Variants in CHST8 observed in about 807,000 individuals in gnomAD.
CHST8 encodes carbohydrate sulfotransferase 8.
Under a neutral mutation model 15.0 loss-of-function variants are expected in CHST8, and 10 were observed. That is an observed-to-expected ratio of 0.67 (90% CI 0.41 to 1.13). CHST8 has a LOEUF of 1.13. CHST8 is among the 50% of genes most tolerant of loss of function. The pLI is 0.00. For synonymous variants in CHST8, 259 were observed against 256.6 expected, an observed-to-expected ratio of 1.01 and a Z score of -0.09; for missense variants, 634 against 608.2, an observed-to-expected ratio of 1.04 and a Z score of -0.45.
chr19:33,719,707 A>G (rs1973742431), intron 3 of CHST8, among the ~76,000 whole-genome samples: 1 of 151,126 alleles, frequency 6.6e-6, no homozygotes, highest in Non-Finnish European at 1.5e-5. Context: ...AGGGTCCTAA[A>G]GAGGGGGATG....
At chr19:33,625,566 G>A (rs1188624498) in intron 1 of CHST8, among the ~76,000 whole-genome samples, 1 of 151,666 alleles carries the variant, frequency 6.6e-6, no homozygotes, top group African/African-American at 2.4e-5. Flanking sequence ...AAGTAAATAT[G>A]TTTTTAAAAG....
chr19:33,687,309 G>A (rs1972998509), intron 2 of CHST8, among the ~76,000 whole-genome samples: 1 of 152,242 alleles, frequency 6.6e-6, no homozygotes, highest in African/African-American at 2.4e-5. Flanking sequence ...CAGCCATGGA[G>A]AGAGAGGCCC....
Position 33,657,103 on chromosome 19 carries a change from G to A in CHST8, c.-163-10664G>A, listed in dbSNP as rs192070175. Among the ~76,000 whole-genome samples the A allele has an allele frequency of 1.7e-4, 25 of 149,928 alleles. No individual in the cohort carries two copies. In the East Asian group the frequency reaches 4.3e-3, roughly 26 times the overall value. On this transcript the variant is annotated intron_variant, in intron 1 of 4. Coordinates refer to ENST00000650847, the MANE Select transcript of CHST8 (RefSeq NM_001127895.2). Reference sequence around the variant, plus strand: ...GATGGTGGATTTGTTAATTTTCCTTGTGATTGCCACTTTTTGCTTTATTAC... The same window carrying A: ...GATGGTGGATTTGTTAATTTTCCTTATGATTGCCACTTTTTGCTTTATTAC...
intron 3 of CHST8, among the ~76,000 whole-genome samples, chr19:33,690,063 C>T (rs965539035): frequency 2.0e-5 from 3 of 152,132 alleles, no homozygotes. Context: ...CGGTCCCCAT[C>T]CCCAGAGATA....
intron 3 of CHST8, among the ~76,000 whole-genome samples, chr19:33,757,500 AAG>A (rs1974603741): frequency 2.0e-5 from 1 of 50,934 alleles, no homozygotes; most frequent in African/African-American, 8.2e-5. Context: ...GAAAGAAAGA[AAG>A]AAAGAAAGAA....
intron 3 of CHST8, among the ~76,000 whole-genome samples, chr19:33,715,029 T>C (rs940795917): frequency 6.6e-6 from 1 of 152,174 alleles, no homozygotes; most frequent in Non-Finnish European, 1.5e-5. Context: ...GACTTGTCAC[T>C]TCTCCCTCCA....
intron 3 of CHST8, among the ~76,000 whole-genome samples, chr19:33,713,128 A>C: frequency 6.6e-6 from 1 of 152,048 alleles, no homozygotes; most frequent in East Asian, 1.9e-4. Context: ...AAGCCCCTCC[A>C]TCCCTGACAC....
At chr19:33,714,273 C>T (rs375993837) in intron 3 of CHST8, among the ~76,000 whole-genome samples, 11 of 151,890 alleles carry the variant, frequency 7.2e-5, no homozygotes, top group East Asian at 3.9e-4. Flanking sequence ...AGAGAGAATT[C>T]GGTAAAGAAA....
At chr19:33,681,149 G>T (rs1972882800) in intron 2 of CHST8, among the ~76,000 whole-genome samples, 1 of 152,178 alleles carries the variant, frequency 6.6e-6, no homozygotes, top group Non-Finnish European at 1.5e-5. Flanking sequence ...TTAGATTTCT[G>T]CCTTGAAACG....
intron 2 of CHST8, among the ~76,000 whole-genome samples, chr19:33,668,166 G>A (rs964967996): frequency 1.7e-4 from 26 of 152,160 alleles, no homozygotes; most frequent in South Asian, 6.2e-4. Flanking sequence ...ACTCTGCCCC[G>A]TCTGCTATTG....
chr19:33,647,863 A>AAAT (rs1360112500), intron 1 of CHST8, among the ~76,000 whole-genome samples: 2 of 143,562 alleles, frequency 1.4e-5, no homozygotes, highest in Non-Finnish European at 3.0e-5. Context: ...ATAAATAAAT[A>AAAT]AAATAAAATA....
intron 3 of CHST8, among the ~76,000 whole-genome samples, chr19:33,692,353 T>TTAC (rs1257512844): frequency 6.6e-6 from 1 of 152,160 alleles, no homozygotes; most frequent in East Asian, 1.9e-4. Flanking sequence ...TAGACAAGAC[T>TTAC]TACCTCTTCT....
In CHST8 at chr19:33,638,475, C is replaced by T. The variant is rs140260088; in HGVS notation, c.-164+16179C>T. 2.6e-3 allele frequency among the ~76,000 whole-genome samples: 389 copies of T among 152,256 alleles called. 1 individual carries two copies. The highest frequency in any genetic ancestry group is 4.4e-3 in the Non-Finnish European group (301 of 68,022). ...TCAGCTCATTGCCAGTGTAGGACTT[C>T]ATCTGAATTTCATAAATATTGTATG... is the stretch of plus-strand genomic sequence containing the variant. On this transcript the variant is annotated intron_variant, in intron 1 of 4. Transcript: ENST00000650847.
At chr19:33,771,364 C>A in intron 3 of CHST8, 49 bp from the exon 4 acceptor site, 1 of 1,589,336 alleles carries the variant, frequency 6.3e-7, no homozygotes, top group Non-Finnish European at 8.6e-7. Context: ...TCCCTGGGAG[C>A]CATGTGGCAG....
intron 4 of CHST8, 65 bp from the exon 5 acceptor site, chr19:33,771,892 C>T: frequency 6.6e-7 from 1 of 1,505,790 alleles, no homozygotes; most frequent in Non-Finnish European, 8.9e-7. Context: ...GAGAGCCTGA[C>T]CTGTGTGGCC....
rs867111454 is a variant in CHST8 at position 33,743,186 on chromosome 19, G to T, written c.131-28227G>T. Among the ~76,000 whole-genome samples, 68 of 152,022 alleles carry T rather than the reference G, an allele frequency of 4.5e-4. No individual in the cohort carries two copies. The Middle Eastern group carries it at 0.01, about 23-fold the overall frequency. The stretch of plus-strand genomic sequence containing the variant: ...TATATTGCTTTAGAAAGGGGTGGGG[G>T]TATCTTCTAGGCAGTAGTGGATTTT... On this transcript the variant is annotated intron_variant, in intron 3 of 4. Coordinates refer to ENST00000650847, the MANE Select transcript of CHST8 (RefSeq NM_001127895.2).
At chr19:33,648,721 A>C (rs1194222254) in intron 1 of CHST8, among the ~76,000 whole-genome samples, 1 of 152,136 alleles carries the variant, frequency 6.6e-6, no homozygotes, top group Non-Finnish European at 1.5e-5. Flanking sequence ...TACCCAAGAG[A>C]AATGAAAATA....
At chr19:33,709,595 G>A (rs1469274234) in intron 3 of CHST8, among the ~76,000 whole-genome samples, 1 of 151,040 alleles carries the variant, frequency 6.6e-6, no homozygotes, top group Non-Finnish European at 1.5e-5. Flanking sequence ...ATATGTTACT[G>A]AATTAAGTTT....
At chr19:33,740,177 G>A (rs1974159190) in intron 3 of CHST8, among the ~76,000 whole-genome samples, 1 of 151,824 alleles carries the variant, frequency 6.6e-6, no homozygotes, top group South Asian at 2.1e-4. Flanking sequence ...ACTCAAACTA[G>A]TTCACAGGAG....
Sources: gnomAD v4.1 joint callset for allele counts (sites outside exome capture counted in the v4.1 genomes callset) on GRCh38, gnomAD v4.1.1 for gene constraint, MANE v1.5 for transcripts, NCBI Gene and HGNC (gene_info 2026-07-23, HGNC 2026-07-21) for gene names.